The following KCNIP1 variants were observed in gnomAD, a reference collection of about 807,000 sequenced individuals.
KCNIP1 encodes the protein A-type potassium channel modulatory protein KCNIP1.
In KCNIP1, 18 loss-of-function variants were observed where a neutral mutation model predicts 33.0. That is an observed-to-expected ratio of 0.55 (90% confidence interval 0.38 to 0.81). KCNIP1 has a LOEUF of 0.81. Among genes scored for constraint, KCNIP1 ranks in the 30% least tolerant of loss-of-function variants. KCNIP1 has a pLI of 0.00. For missense variants in KCNIP1, 238 were observed against 271.6 expected (o/e 0.88, Z 0.87); for synonymous variants, 93 against 98.3 (o/e 0.95, Z 0.32).
rs180889391 is a variant in KCNIP1, at chr5:170,356,206, T to C, written c.88+2242T>C. ...ATTGCTTAATGATTTCTGATTTTAA[T>C]TTGATTTCACTTATTCATTATTCAT... On this transcript the variant is annotated intron_variant, in intron 1 of 7. Transcript: ENST00000377360. Among the ~76,000 whole-genome samples the C allele has an allele frequency of 1.4e-3, 218 of 152,338 alleles. 3 individuals are homozygous for C. The highest frequency in any genetic ancestry group is 1.5e-3 in the East Asian group (8 of 5,194).
At chr5:170,387,643 G>A (rs982528426) in intron 1 of KCNIP1, among the ~76,000 whole-genome samples, 2 of 152,128 alleles carry the variant, frequency 1.3e-5, no homozygotes, top group African/African-American at 4.8e-5. Context: ...AATTGCCCCC[G>A]ACAAAGAGAG....
intron 1 of KCNIP1, among the ~76,000 whole-genome samples, chr5:170,430,205 C>T (rs114851544): frequency 3.9e-5 from 6 of 152,278 alleles, no homozygotes; most frequent in South Asian, 2.1e-4. Context: ...GTGTGGTGGG[C>T]GGAAGGTAGG....
At chr5:170,430,162 C>T (rs1372075427) in intron 1 of KCNIP1, among the ~76,000 whole-genome samples, 2 of 152,182 alleles carry the variant, frequency 1.3e-5, no homozygotes, top group Admixed American at 6.6e-5. Context: ...ATCAGTTAAG[C>T]CTGTGGACAG....
intron 1 of KCNIP1, among the ~76,000 whole-genome samples, chr5:170,618,508 G>GAGAA (rs1759476003): frequency 1.0e-5 from 1 of 95,788 alleles, no homozygotes; most frequent in South Asian, 4.5e-4. Flanking sequence ...GGGAGGAAAG[G>GAGAA]AGGAAGGAAG....
intron 1 of KCNIP1, among the ~76,000 whole-genome samples, chr5:170,438,353 GT>G (rs1262901298): frequency 1.3e-5 from 2 of 152,196 alleles, no homozygotes; most frequent in Non-Finnish European, 2.9e-5. Flanking sequence ...AAAATACCTC[GT>G]GTGGGGACAG....
chr5:170,717,708 T>C (rs1488263316), intron 1 of KCNIP1, among the ~76,000 whole-genome samples: 2 of 152,246 alleles, frequency 1.3e-5, no homozygotes, highest in Non-Finnish European at 2.9e-5. Context: ...CCTGCTCACC[T>C]GATGTGGCAA....
intron 1 of KCNIP1, among the ~76,000 whole-genome samples, chr5:170,581,749 T>A (rs1320807744): frequency 3.9e-5 from 6 of 152,228 alleles, no homozygotes; most frequent in African/African-American, 1.4e-4. Flanking sequence ...TGTCTATGTC[T>A]GTTTGTGTTC....
intron 1 of KCNIP1, chr5:170,378,231 A>C (rs1049013019): frequency 6.5e-6 from 1 of 154,730 alleles, no homozygotes; most frequent in African/African-American, 2.4e-5. Context: ...ATCCTAGAAA[A>C]TAGTAATACT....
intron 1 of KCNIP1, among the ~76,000 whole-genome samples, chr5:170,596,959 T>G (rs1177789726): frequency 1.3e-5 from 2 of 152,182 alleles, no homozygotes; most frequent in African/African-American, 4.8e-5. Flanking sequence ...ATTGAATAGG[T>G]ATTAACTCCC....
At chr5:170,599,180 A>G (rs1758592055) in intron 1 of KCNIP1, among the ~76,000 whole-genome samples, 1 of 152,070 alleles carries the variant, frequency 6.6e-6, no homozygotes, top group South Asian at 2.1e-4. Flanking sequence ...TTTGCCATTA[A>G]TCACAGGTGA....
intron 1 of KCNIP1, among the ~76,000 whole-genome samples, chr5:170,384,951 A>C (rs1357908578): frequency 6.6e-6 from 1 of 152,214 alleles, no homozygotes; most frequent in Non-Finnish European, 1.5e-5. Context: ...CAGAGGGGAG[A>C]GAATTATGCA....
intron 1 of KCNIP1, among the ~76,000 whole-genome samples, chr5:170,428,067 C>CT (rs1755651500): frequency 6.6e-6 from 1 of 152,230 alleles, no homozygotes; most frequent in Non-Finnish European, 1.5e-5. Context: ...ATTCCCTGCC[C>CT]ACCTGTTTCC....
At chr5:170,711,347 C>A (rs1025777595) in intron 1 of KCNIP1, among the ~76,000 whole-genome samples, 4 of 152,214 alleles carry the variant, frequency 2.6e-5, no homozygotes, top group Admixed American at 2.6e-4. Flanking sequence ...GGTATTATGT[C>A]TTTTCATCTC....
At chr5:170,479,829 G>T (rs921053836) in intron 1 of KCNIP1, among the ~76,000 whole-genome samples, 3 of 152,154 alleles carry the variant, frequency 2.0e-5, no homozygotes, top group African/African-American at 4.8e-5. Context: ...TTTAACTTCC[G>T]AATTTTATAC....
chr5:170,566,151 C>T (rs967733185), intron 1 of KCNIP1, among the ~76,000 whole-genome samples: 25 of 152,246 alleles, frequency 1.6e-4, no homozygotes, highest in African/African-American at 6.0e-4. Context: ...GCCTCAGCCT[C>T]CCGGGTTCAA....
chr5:170,722,633 C>A, intron 4 of KCNIP1, 80 bp from the exon 5 acceptor site: 1 of 947,690 alleles, frequency 1.1e-6, no homozygotes, highest in Non-Finnish European at 1.7e-6. Context: ...GTGAGAGTAT[C>A]ACAGTCTGAC....
intron 1 of KCNIP1, among the ~76,000 whole-genome samples, chr5:170,369,959 C>T (rs186767181): frequency 5.9e-5 from 9 of 152,274 alleles, no homozygotes; most frequent in South Asian, 2.1e-4. Flanking sequence ...GGCAGAAATA[C>T]GGCCTCTGTG....
intron 1 of KCNIP1, among the ~76,000 whole-genome samples, chr5:170,693,545 C>T (rs1337211514): frequency 6.6e-6 from 1 of 152,158 alleles, no homozygotes; most frequent in Non-Finnish European, 1.5e-5. Context: ...GGTATGAGAG[C>T]CAAGCCATTC....
At chr5:170,608,601 G>C (rs190852860) in intron 1 of KCNIP1, among the ~76,000 whole-genome samples, 3 of 152,058 alleles carry the variant, frequency 2.0e-5, no homozygotes, top group Non-Finnish European at 2.9e-5. Context: ...GTAAAACCCC[G>C]TCTCTACTAA....
Sources: allele counts gnomAD v4.1 joint callset (sites outside exome capture counted in the v4.1 genomes callset), GRCh38; gene constraint gnomAD v4.1.1; transcripts MANE v1.5; gene names NCBI Gene and HGNC (gene_info 2026-07-23, HGNC 2026-07-21).